HGS: variants seen among roughly 807,000 people sequenced by gnomAD.
HGS encodes human growth factor-regulated tyrosine kinase substrate.
In HGS, 63 loss-of-function variants were observed where a neutral mutation model predicts 109.7. The observed-to-expected ratio is 0.57, with a 90% CI of 0.47 to 0.71. HGS has a LOEUF of 0.71. HGS is among the 30% of genes least tolerant of loss of function. The probability of loss-of-function intolerance (pLI) is 0.00; values close to 1 mark genes in which losing one functional copy is unlikely to be tolerated. For synonymous variants in HGS, 546 were observed against 437.3 expected, an observed-to-expected ratio of 1.25 and a Z score of -3.10; for missense variants, 995 against 1,068.3, an observed-to-expected ratio of 0.93 and a Z score of 0.96.
In HGS at chr17:81,696,643, C is replaced by T. The variant is rs1246808058; in HGVS notation, c.1603C>T (p.Arg535Cys). The change falls in exon 17 of 22, where the codon CGC becomes TGC. Residue 535 changes from arginine (R) to cysteine (C), a missense_variant. By Grantham distance (180) the Arg-to-Cys change is radical. Around this residue, in one of 6 missense-constraint regions of HGS, gnomAD observed 163 missense variants for 217.8 expected, o/e 0.75. Coordinates refer to ENST00000329138, the MANE Select transcript of HGS (RefSeq NM_004712.5). ...LEVQRQLAIQ[R>C]LQEQEKERQM... is the part of the protein sequence containing the mutation. ...GGTGCAGAGGCAGCTGGCCATCCAG[C>T]GCCTGCAGGAGCAGGAGAAGGAGCG... 1.9e-6 allele frequency: 3 copies of T among 1,611,274 alleles called. No individual in the cohort carries two copies. Among genetic ancestry groups the T allele is most frequent in the Non-Finnish European group, 2.5e-6 (3 of 1,179,164 alleles).
At chr17:81,694,124 G>T (rs942851195) in intron 11 of HGS, among the ~76,000 whole-genome samples, 159 bp downstream of exon 11, 1 of 152,208 alleles carries the variant, frequency 6.6e-6, no homozygotes, top group East Asian at 1.9e-4. Context: ...TCAGGGCAGA[G>T]CCCCACGGCT....
rs1290993347 is a variant in HGS at position 81,691,638 on chromosome 17, C to T, written c.662+67C>T. 1.2e-5 allele frequency: 19 copies of T among 1,601,596 alleles called. No homozygotes were observed. Among genetic ancestry groups the T allele is most frequent in the Admixed American group, 8.4e-5 (5 of 59,852 alleles). ...TCTCCAGGCTGGGTTTTCTGTCCCT[C>T]TTGGCCATGGTGCCTGAGGCCTGCA... On this transcript the variant is annotated intron_variant, in intron 8 of 21. Coordinates refer to ENST00000329138, the MANE Select transcript of HGS (RefSeq NM_004712.5). This position sits in a 1 kb window ranked among gnomAD's most constrained non-coding sequence, Gnocchi z 5.3.
intron 6 of HGS, 170 bp from the exon 7 acceptor site, chr17:81,690,504 C>A: frequency 1.6e-6 from 1 of 641,122 alleles, no homozygotes; most frequent in Admixed American, 3.0e-5. Context: ...CCTCAGGCCT[C>A]GGCAGCTTCA....
chr17:81,685,176 C>T (rs1007217671), intron 1 of HGS: 16 of 603,726 alleles, frequency 2.7e-5, no homozygotes, highest in Admixed American at 6.3e-5. Context: ...CTAGCCCTTG[C>T]CCAAGCTAAG....
intron 19 of HGS, 40 bp from the exon 20 acceptor site, chr17:81,700,654 AG>A (rs776928295): frequency 8.4e-6 from 7 of 835,712 alleles, no homozygotes; most frequent in Non-Finnish European, 8.7e-6. Context: ...CCCCAGCCCC[AG>A]CCCCAGCCCC....
At chr17:81,688,293 C>G (rs751825307) in intron 4 of HGS, among the ~76,000 whole-genome samples, 2 of 152,310 alleles carry the variant, frequency 1.3e-5, no homozygotes, top group South Asian at 4.1e-4. Flanking sequence ...CGCGTCTCCC[C>G]GGCTGTGACT....
chr17:81,695,962 G>C lies in HGS; in HGVS notation c.1356G>C (p.Gln452His). 1 of 1,570,360 alleles carries C rather than the reference G, an allele frequency of 6.4e-7. No homozygotes were observed. Among genetic ancestry groups the C allele is most frequent in the Non-Finnish European group, 8.7e-7 (1 of 1,154,258 alleles). Residue 452 changes from glutamine to histidine, a missense_variant, in exon 15 of 22, where the codon CAG becomes CAC. Physicochemically the swap from Gln to His is conservative, Grantham distance 24. Coordinates refer to ENST00000329138, the MANE Select transcript of HGS (RefSeq NM_004712.5). ...AGTCCATCAACGGCATGCACCCGCA[G>C]CTGCTGGAGCTGCTCAACCAGCTGG... The part of the protein sequence containing the change: ...LFQSINGMHP[Q>H]LLELLNQLDE...
intron 1 of HGS, chr17:81,685,164 C>G: frequency 1.4e-6 from 1 of 697,412 alleles, no homozygotes; most frequent in Non-Finnish European, 1.8e-6. Context: ...CTGCAGGCCT[C>G]TCTAGCCCTT....
intron 8 of HGS, chr17:81,692,276 T>C (rs1241851261): frequency 2.6e-5 from 4 of 152,278 alleles, no homozygotes; most frequent in Non-Finnish European, 5.9e-5. Context: ...TTGGTTCCCT[T>C]TTCCTGGAAC....
chr17:81,689,502 A>G (rs2037032411), intron 5 of HGS, among the ~76,000 whole-genome samples: 1 of 152,058 alleles, frequency 6.6e-6, no homozygotes, highest in African/African-American at 2.4e-5. Flanking sequence ...GCTGGTGCTC[A>G]GGGCCCACTC....
chr17:81,701,328 G>A (rs1351328059), intron 21 of HGS, 180 bp from the exon 22 acceptor site: 11 of 833,882 alleles, frequency 1.3e-5, no homozygotes, highest in Non-Finnish European at 2.0e-5. Flanking sequence ...CGCAAGTGTA[G>A]ACAGGAAAAA....
At position 81,686,370 on chromosome 17, in the gene HGS, G is replaced by T; in HGVS notation, c.181G>T (p.Ala61Ser). The T allele has an allele frequency of 1.9e-6, 3 of 1,613,504 alleles. No individual in the cohort carries two copies. Among genetic ancestry groups the T allele is most frequent in the Non-Finnish European group, 2.5e-6 (3 of 1,179,908 alleles). The change falls in exon 3 of 22, where the codon GCC (alanine) becomes TCC (serine). Residue 61 changes from alanine (A) to serine (S), a missense_variant. Transcript: ENST00000329138. ...AGTCAACGACAAGAACCCACACGTC[G>T]CCTTGTATGCCCTGGAGGTAAGCAG... The part of the protein sequence containing the change: ...KKVNDKNPHV[A>S]LYALEVMESV...
At chr17:81,693,781 G>A in intron 10 of HGS, 29 bp downstream of exon 10, 1 of 1,543,106 alleles carries the variant, frequency 6.5e-7, no homozygotes, top group Non-Finnish European at 8.7e-7. Flanking sequence ...GGCGGCCTCA[G>A]GAGGGGCCCA....
At chr17:81,690,331 G>A in intron 6 of HGS, 97 bp downstream of exon 6, 2 of 1,275,282 alleles carry the variant, frequency 1.6e-6, no homozygotes, top group South Asian at 2.5e-5. Context: ...GTTGGTGGCT[G>A]AGCTCTCGTC....
chr17:81,685,359 C>G (rs548168268), intron 1 of HGS, among the ~76,000 whole-genome samples: 8 of 152,320 alleles, frequency 5.3e-5, no homozygotes, highest in African/African-American at 1.9e-4. Flanking sequence ...GTCTTTACCT[C>G]GCTCGCGGGT....
At chr17:81,695,717 TC>T in intron 14 of HGS, 68 bp from the exon 15 acceptor site, 1 of 1,453,506 alleles carries the variant, frequency 6.9e-7, no homozygotes. Flanking sequence ...GGTGCCTCCA[TC>T]CCAGGCCCCA....
At chr17:81,696,054 C>T (rs2037141569) in intron 15 of HGS, 55 bp downstream of exon 15, 4 of 1,432,984 alleles carry the variant, frequency 2.8e-6, no homozygotes, top group Non-Finnish European at 2.8e-6. Context: ...GTTGTGAGCG[C>T]CATCCTGGGC....
intron 15 of HGS, 70 bp from the exon 16 acceptor site, chr17:81,696,287 G>C (rs889429284): frequency 1.4e-6 from 2 of 1,455,752 alleles, no homozygotes; most frequent in Admixed American, 2.8e-5. Flanking sequence ...CCATCTGCGT[G>C]TCCGTTCCAC....
chr17:81,700,963 T>G (rs1368158194), intron 20 of HGS, 82 bp from the exon 21 acceptor site: 1 of 1,542,574 alleles, frequency 6.5e-7, no homozygotes, highest in African/African-American at 1.4e-5. Context: ...TGTGGTCACC[T>G]TTGGATTGTT....
Sources: gnomAD v4.1 joint callset for allele counts (sites outside exome capture counted in the v4.1 genomes callset) on GRCh38, gnomAD v4.1.1 for gene constraint, gnomAD v4.1.1 regional missense constraint, Gnocchi (gnomAD v3.1) non-coding constraint, MANE v1.5 for transcripts, NCBI Gene and HGNC (gene_info 2026-07-23, HGNC 2026-07-21) for gene names.